ARHGAP15: variants seen among roughly 807,000 people sequenced by gnomAD.
ARHGAP15 encodes the protein rho GTPase-activating protein 15.
A neutral mutation model predicts 63.7 loss-of-function variants in ARHGAP15; 51 were observed. That is an observed-to-expected ratio of 0.80 (90% CI 0.64 to 1.01). The LOEUF (loss-of-function observed/expected upper bound fraction) is 1.01. ARHGAP15 is among the 50% of genes least tolerant of loss of function. The probability of loss-of-function intolerance (pLI) is 0.00; values close to 1 mark genes in which losing one functional copy is unlikely to be tolerated. For missense variants in ARHGAP15, 560 were observed against 564.6 expected, an observed-to-expected ratio of 0.99 and a Z score of 0.08; for synonymous variants, 191 against 193.8, an observed-to-expected ratio of 0.99 and a Z score of 0.12.
At chr2:143,726,847 A>G (rs981822718) in intron 13 of ARHGAP15, among the ~76,000 whole-genome samples, 3 of 152,218 alleles carry the variant, frequency 2.0e-5, no homozygotes, top group Non-Finnish European at 4.4e-5. Context: ...GCTGCAAGAA[A>G]GAAGTAGAAG....
In ARHGAP15 at chr2:143,333,625, G is replaced by A. The variant is rs547889041; in HGVS notation, c.474+83025G>A. Among the ~76,000 whole-genome samples, 16 of 152,162 alleles carry A rather than the reference G, an allele frequency of 1.1e-4. 1 individual carries two copies. Among genetic ancestry groups the A allele is most frequent in the Middle Eastern group, 3.4e-3 (1 of 294 alleles). On this transcript the variant is annotated intron_variant, in intron 6 of 13. Coordinates refer to ENST00000295095, the MANE Select transcript of ARHGAP15 (RefSeq NM_018460.4). ...AGCTCAAAGTGTTCCATTTTTATCT[G>A]CCTCCTGCAGTAATGGCTGTGTTAC...
intron 13 of ARHGAP15, among the ~76,000 whole-genome samples, chr2:143,720,138 G>A (rs1335257713): frequency 1.3e-5 from 2 of 152,158 alleles, no homozygotes; most frequent in Non-Finnish European, 2.9e-5. Flanking sequence ...ATACTGGGGA[G>A]AGTGGGGGCG....
intron 11 of ARHGAP15, among the ~76,000 whole-genome samples, chr2:143,559,946 C>G (rs964705496): frequency 2.0e-5 from 3 of 152,206 alleles, no homozygotes; most frequent in African/African-American, 7.2e-5. Context: ...TGTTTATTTT[C>G]TAGAAGGCTC....
At chr2:143,747,472 C>T (rs1686213916) in intron 13 of ARHGAP15, among the ~76,000 whole-genome samples, 1 of 152,134 alleles carries the variant, frequency 6.6e-6, no homozygotes, top group Non-Finnish European at 1.5e-5. Flanking sequence ...CATGTAACCA[C>T]CATTATAGTG....
intron 11 of ARHGAP15, among the ~76,000 whole-genome samples, chr2:143,591,863 G>A (rs767094694): frequency 3.3e-5 from 5 of 151,940 alleles, no homozygotes; most frequent in South Asian, 2.1e-4. Flanking sequence ...CAGGTGATCC[G>A]CCTGCCTCAG....
At chr2:143,591,835 G>T (rs1697333790) in intron 11 of ARHGAP15, among the ~76,000 whole-genome samples, 1 of 151,960 alleles carries the variant, frequency 6.6e-6, no homozygotes, top group African/African-American at 2.4e-5. Flanking sequence ...GGCCAGGCTG[G>T]TCTCGAACTC....
At chr2:143,735,731 CAAGAAG>C (rs372092900) in intron 13 of ARHGAP15, among the ~76,000 whole-genome samples, 21 of 151,810 alleles carry the variant, frequency 1.4e-4, no homozygotes, top group Non-Finnish European at 2.9e-4. Context: ...ATGGTCTTAG[CAAGAAG>C]AAGAAGAATG....
At chr2:143,643,083 G>A (rs1410243426) in intron 12 of ARHGAP15, among the ~76,000 whole-genome samples, 1 of 152,076 alleles carries the variant, frequency 6.6e-6, no homozygotes, top group Admixed American at 6.6e-5. Context: ...ACTGCAGATG[G>A]GTTAAATTTT....
chr2:143,304,741 G>T (rs1311108930), intron 6 of ARHGAP15, among the ~76,000 whole-genome samples: 1 of 151,880 alleles, frequency 6.6e-6, no homozygotes, highest in Non-Finnish European at 1.5e-5. Flanking sequence ...CTCATCACTG[G>T]TCATTAGAGA....
chr2:143,644,334 C>CCAT (rs1247013077), intron 12 of ARHGAP15, among the ~76,000 whole-genome samples: 2 of 151,960 alleles, frequency 1.3e-5, no homozygotes, highest in African/African-American at 4.8e-5. Context: ...GGCAGGACAC[C>CCAT]CATCACATCA....
In ARHGAP15 at chr2:143,494,512, C is replaced by T. The variant is rs114902978; in HGVS notation, c.826+7017C>T. On this transcript the variant is annotated intron_variant, in intron 9 of 13. Coordinates refer to ENST00000295095, the MANE Select transcript of ARHGAP15 (RefSeq NM_018460.4). The stretch of plus-strand genomic sequence containing the variant: ...ATATTTTTTAAAAGCTATCTGAGGA[C>T]ATAGATTAGAATTTGTTGTTGTTTT... Among the ~76,000 whole-genome samples the T allele has an allele frequency of 5.0e-3, 763 of 152,214 alleles. 4 individuals are homozygous for T. The highest frequency in any genetic ancestry group is 8.8e-3 in the Non-Finnish European group (596 of 68,000).
intron 12 of ARHGAP15, among the ~76,000 whole-genome samples, chr2:143,664,893 A>G (rs1169065018): frequency 2.0e-5 from 3 of 152,118 alleles, no homozygotes; most frequent in Non-Finnish European, 2.9e-5. Context: ...TGAATAGACC[A>G]ATAACAGGAG....
At chr2:143,396,339 C>G (rs1687754416) in intron 6 of ARHGAP15, among the ~76,000 whole-genome samples, 1 of 152,046 alleles carries the variant, frequency 6.6e-6, no homozygotes, top group African/African-American at 2.4e-5. Flanking sequence ...TTTCATGAAG[C>G]AAACCATAGC....
intron 5 of ARHGAP15, among the ~76,000 whole-genome samples, chr2:143,243,429 T>C (rs1693937275): frequency 6.6e-6 from 1 of 152,186 alleles, no homozygotes; most frequent in Admixed American, 6.5e-5. Flanking sequence ...TAAATAATTC[T>C]ATTTAAGTAT....
intron 1 of ARHGAP15, among the ~76,000 whole-genome samples, chr2:143,144,961 C>T (rs992753403): frequency 6.6e-6 from 1 of 152,028 alleles, no homozygotes; most frequent in African/African-American, 2.4e-5. Context: ...GCAGCTGAAT[C>T]CCTTAGGGGT....
intron 8 of ARHGAP15, among the ~76,000 whole-genome samples, chr2:143,486,217 G>A (rs146070706): frequency 2.9e-3 from 447 of 152,134 alleles, no homozygotes; most frequent in African/African-American, 0.01. Flanking sequence ...GCAGTGGAGC[G>A]TTCAGTTAAG....
intron 2 of ARHGAP15, among the ~76,000 whole-genome samples, chr2:143,167,171 T>G (rs1312839191): frequency 6.6e-6 from 1 of 152,178 alleles, no homozygotes; most frequent in Non-Finnish European, 1.5e-5. Flanking sequence ...AGGGTCTGAC[T>G]GAGCATTGTC....
At chr2:143,577,176 T>C (rs1559060504) in intron 11 of ARHGAP15, among the ~76,000 whole-genome samples, 1 of 152,170 alleles carries the variant, frequency 6.6e-6, no homozygotes, top group Non-Finnish European at 1.5e-5. Context: ...ACCTACCATC[T>C]GCACCACATT....
chr2:143,485,210 T>C (rs535423856), intron 8 of ARHGAP15, among the ~76,000 whole-genome samples: 2 of 152,232 alleles, frequency 1.3e-5, no homozygotes. Context: ...CCCACATGCA[T>C]TAGGTATTTG....
Sources: gnomAD v4.1 joint callset for allele counts (sites outside exome capture counted in the v4.1 genomes callset) on GRCh38, gnomAD v4.1.1 for gene constraint, MANE v1.5 for transcripts, NCBI Gene and HGNC (gene_info 2026-07-23, HGNC 2026-07-21) for gene names.